The following DCAF5 variants were observed in gnomAD, a reference collection of about 807,000 sequenced individuals.
DCAF5 encodes the protein DDB1- and CUL4-associated factor 5.
DCAF5 carries 9 observed loss-of-function variants against 80.7 expected under a neutral mutation model. The observed-to-expected ratio is 0.11, with a 90% CI of 0.07 to 0.19. The LOEUF is 0.19. DCAF5 is among the 10% of genes least tolerant of loss of function. DCAF5 has a pLI of 1.00. For missense variants in DCAF5, 842 were observed against 1,205.7 expected (o/e 0.70, Z 4.47); for synonymous variants, 433 against 461.9 (o/e 0.94, Z 0.80).
chr14:69,129,362 G>A (rs777936583), intron 1 of DCAF5, among the ~76,000 whole-genome samples: 38 of 152,164 alleles, frequency 2.5e-4, no homozygotes, highest in Non-Finnish European at 5.1e-4. Context: ...CCTATGCAAA[G>A]GCAATCTTCA....
At chr14:69,103,102 T>C (rs753387027) in intron 5 of DCAF5, among the ~76,000 whole-genome samples, 2 of 152,194 alleles carry the variant, frequency 1.3e-5, no homozygotes, top group Non-Finnish European at 2.9e-5. Flanking sequence ...TGAAACATCA[T>C]TATGCAGAAC....
intron 1 of DCAF5, among the ~76,000 whole-genome samples, chr14:69,125,879 A>G (rs2040857602): frequency 6.6e-6 from 1 of 152,180 alleles, no homozygotes; most frequent in Non-Finnish European, 1.5e-5. Context: ...AATACTTTAT[A>G]TTGTTTATGG....
intron 1 of DCAF5, among the ~76,000 whole-genome samples, chr14:69,145,789 C>CT (rs2140124645): frequency 6.6e-6 from 1 of 152,218 alleles, no homozygotes; most frequent in Admixed American, 6.5e-5. Flanking sequence ...TCATTCCACC[C>CT]TTGAGTATCT....
chr14:69,094,194 A>G (rs2039623700), intron 5 of DCAF5, among the ~76,000 whole-genome samples: 1 of 152,200 alleles, frequency 6.6e-6, no homozygotes, highest in Non-Finnish European at 1.5e-5. Flanking sequence ...GCAGCAGCTC[A>G]GGCATCCTTG....
At chr14:69,083,804 C>T (rs1378720615) in intron 6 of DCAF5, 6 of 708,448 alleles carry the variant, frequency 8.5e-6, no homozygotes, top group Non-Finnish European at 1.6e-5. Flanking sequence ...GAAGAAAGTG[C>T]CAAGTCTCCT....
rs977988446 is a variant in DCAF5, at chr14:69,053,756, G to A, written c.*101C>T. The A allele has an allele frequency of 4.1e-5, 49 of 1,189,614 alleles. No homozygotes were observed. Among genetic ancestry groups the A allele is most frequent in the South Asian group, 4.9e-5 (3 of 60,898 alleles). 73.7% of individuals were successfully genotyped at this position (1,189,614 alleles called of 1,614,324 possible). A position where few individuals can be genotyped will look rare whatever the true frequency, so the allele number is the denominator to read the frequency against. ...ACAAAATTTCAGGCCCTGGTTTCAT[G>A]TGCCTTTAATACTTGTTTTTCCTTT... is the stretch of plus-strand genomic sequence containing the variant. On this transcript the variant is annotated 3_prime_UTR_variant, in exon 9 of 9. Transcript: ENST00000341516.
intron 8 of DCAF5, among the ~76,000 whole-genome samples, chr14:69,056,037 T>G (rs1455183200): frequency 6.6e-6 from 1 of 152,198 alleles, no homozygotes; most frequent in Non-Finnish European, 1.5e-5. Flanking sequence ...ACTGAAGCTG[T>G]GCACAGAGAG....
At chr14:69,101,081 G>A (rs1477058227) in intron 5 of DCAF5, among the ~76,000 whole-genome samples, 1 of 152,154 alleles carries the variant, frequency 6.6e-6, no homozygotes, top group East Asian at 1.9e-4. Flanking sequence ...TTACACTGGA[G>A]GAGACCAAGG....
Position 69,152,830 on chromosome 14 carries a change from A to G in DCAF5, c.149T>C (p.Leu50Pro). ...GGCATTGACACAGCCGAAGTGGCCG[A>G]GGAGGTCCTTCTTGTAGAGGTTTCT... ...GCRNLYKKDL[L>P]GHFGCVNAIE... Residue 50 changes from leucine to proline, a missense_variant, in exon 1 of 9, where the codon CTC (leucine) becomes CCC (proline). Physicochemically the swap from Leu to Pro is moderately conservative, Grantham distance 98 (BLOSUM62 -3). This residue lies in a region of DCAF5 where 142 missense variants were observed against 311.9 expected (regional missense o/e 0.46). Coordinates refer to ENST00000341516, the MANE Select transcript of DCAF5 (RefSeq NM_003861.3). This position sits in a 1 kb window ranked among gnomAD's most constrained non-coding sequence, Gnocchi z 4.1. 6.2e-7 allele frequency: 1 copy of G among 1,614,096 alleles called. No homozygotes were observed. The highest frequency in any genetic ancestry group is 1.3e-5 in the African/African-American group (1 of 75,028).
rs1452341803 is a variant in DCAF5 at position 69,143,788 on chromosome 14, G to GT, written c.214+8976dup. 3 of 152,264 alleles carry GT rather than the reference G, an allele frequency of 2.0e-5. No homozygotes were observed. The East Asian group carries it at 5.8e-4, about 29-fold the overall frequency. 9.4% of individuals were successfully genotyped at this position (152,264 alleles called of 1,614,324 possible). A position where few individuals can be genotyped will look rare whatever the true frequency, so the allele number is the denominator to read the frequency against. On this transcript the variant is annotated intron_variant, in intron 1 of 8. Transcript: ENST00000341516. ...TTATTGGAACCAAATTTTCTATAAA[G>GT]TAACGGATCATGGTTATAAAAAAAT...
intron 6 of DCAF5, chr14:69,083,549 GA>G (rs1190620670): frequency 7.8e-6 from 3 of 385,620 alleles, no homozygotes; most frequent in Non-Finnish European, 1.5e-5. Flanking sequence ...ACGGGAGGTG[GA>G]AAGGTTAAAA....
At chr14:69,139,344 C>T (rs1452816125) in intron 1 of DCAF5, among the ~76,000 whole-genome samples, 2 of 150,954 alleles carry the variant, frequency 1.3e-5, no homozygotes, top group African/African-American at 4.9e-5. Context: ...ATTAGCTGGA[C>T]GTGGTGATGC....
chr14:69,117,645 A>T (rs1335653869), intron 4 of DCAF5, among the ~76,000 whole-genome samples: 3 of 152,202 alleles, frequency 2.0e-5, no homozygotes, highest in African/African-American at 7.2e-5. Flanking sequence ...TCTTCATTTC[A>T]CACATCAGAG....
At chr14:69,123,714 C>T (rs188816709) in intron 1 of DCAF5, among the ~76,000 whole-genome samples, 702 of 151,996 alleles carry the variant, frequency 4.6e-3, no homozygotes, top group Admixed American at 7.2e-3. Flanking sequence ...TTTTTTGAGA[C>T]GGAGTCTCGC....
intron 1 of DCAF5, among the ~76,000 whole-genome samples, chr14:69,124,050 C>T (rs1223175585): frequency 6.6e-6 from 1 of 152,132 alleles, no homozygotes; most frequent in African/African-American, 2.4e-5. Flanking sequence ...CTCTAGGAAC[C>T]TCGTATAAGT....
At chr14:69,141,709 T>C (rs1319783161) in intron 1 of DCAF5, among the ~76,000 whole-genome samples, 1 of 152,198 alleles carries the variant, frequency 6.6e-6, no homozygotes, top group Non-Finnish European at 1.5e-5. Context: ...AGTTACCTAA[T>C]GAACCTTATT....
chr14:69,110,743 T>C (rs1801673581), intron 5 of DCAF5, among the ~76,000 whole-genome samples: 2 of 151,826 alleles, frequency 1.3e-5, no homozygotes, highest in Admixed American at 1.3e-4. Context: ...CCAGGCATGA[T>C]AGCATGAGCC....
intron 1 of DCAF5, among the ~76,000 whole-genome samples, chr14:69,149,937 T>G (rs1486371251): frequency 1.8e-4 from 28 of 152,328 alleles, no homozygotes; most frequent in Admixed American, 1.2e-3. Context: ...GGAAAATTAT[T>G]GAAGGACTTC....
At chr14:69,070,019 A>G (rs1239671381) in intron 7 of DCAF5, among the ~76,000 whole-genome samples, 1 of 152,230 alleles carries the variant, frequency 6.6e-6, no homozygotes, top group African/African-American at 2.4e-5. Context: ...TGGTGGTATT[A>G]TCCTTATTTC....
Sources: gnomAD v4.1 joint callset for allele counts (sites outside exome capture counted in the v4.1 genomes callset) on GRCh38, gnomAD v4.1.1 for gene constraint, gnomAD v4.1.1 regional missense constraint, Gnocchi (gnomAD v3.1) non-coding constraint, MANE v1.5 for transcripts, NCBI Gene and HGNC (gene_info 2026-07-23, HGNC 2026-07-21) for gene names.